Variants in PTRH1 observed in about 807,000 individuals in gnomAD.
The protein encoded by PTRH1 is peptidyl-tRNA hydrolase 1 homolog.
Under a neutral mutation model 15.7 loss-of-function variants are expected in PTRH1, and 13 were observed. That is an observed-to-expected ratio of 0.83 (90% CI 0.54 to 1.31). The LOEUF is 1.31. Ranked by LOEUF, PTRH1 falls within the 40% of genes most tolerant of loss-of-function variation. The probability of loss-of-function intolerance (pLI) is 0.00; values close to 1 mark genes in which losing one functional copy is unlikely to be tolerated. For synonymous variants in PTRH1, 139 were observed against 136.7 expected, an observed-to-expected ratio of 1.02 and a Z score of -0.12; for missense variants, 319 against 296.2, an observed-to-expected ratio of 1.08 and a Z score of -0.56.
downstream of PTRH1, chr9:127,713,660 C>T (rs1256124184): frequency 3.2e-5 from 17 of 523,984 alleles, 1 homozygote; most frequent in East Asian, 5.4e-4. Context: ...GCATGCACCA[C>T]CATGCCTGGC....
intron 2 of PTRH1, 43 bp downstream of exon 2, chr9:127,714,912 GCCCCCGCGCCCCAACCCCCA>G (rs1282142748): frequency 4.6e-5 from 35 of 766,968 alleles, no homozygotes; most frequent in Non-Finnish European, 6.2e-5. Flanking sequence ...CTCCCCTCTG[GCCCCCGCGCCCCAACCCCCA>G]CCCCCTTGGC....
chr9:127,715,360 G>A lies in PTRH1; in HGVS notation c.97-166C>T. On this transcript the variant is annotated intron_variant, in intron 1 of 4. Coordinates refer to ENST00000543175, the MANE Select transcript of PTRH1 (RefSeq NM_001002913.3). This position sits in a 1 kb window ranked among gnomAD's most constrained non-coding sequence, Gnocchi z 5.8. The stretch of plus-strand genomic sequence containing the variant: ...AACCCGACCCCTGAGAACTCCAGAA[G>A]GCTGGGCAGGCAGGGCGCCCTAGTG... The A allele has an allele frequency of 8.1e-7, 1 of 1,228,896 alleles. No homozygotes were observed. The highest frequency in any genetic ancestry group is 1.2e-6 in the Non-Finnish European group (1 of 865,098). 76.1% of individuals were successfully genotyped at this position (1,228,896 alleles called of 1,614,324 possible). A position where few individuals can be genotyped will look rare whatever the true frequency, so the allele number is the denominator to read the frequency against.
chr9:127,698,099 T>G (rs556687792), intron 1 of PTRH1, among the ~76,000 whole-genome samples: 2 of 152,110 alleles, frequency 1.3e-5, no homozygotes, highest in Non-Finnish European at 2.9e-5. Context: ...AAAAACAATC[T>G]GACTTAAAAA....
At chr9:127,695,429 G>A in intron 1 of PTRH1, 1 of 371,474 alleles carries the variant, frequency 2.7e-6, no homozygotes, top group Non-Finnish European at 4.8e-6. Context: ...GGCTACATGG[G>A]TAAACAGCAA....
chr9:127,713,317 C>CT (rs1201900934), downstream of PTRH1: 2 of 824,422 alleles, frequency 2.4e-6, no homozygotes, highest in Non-Finnish European at 3.7e-6. Context: ...CCAGATCTCT[C>CT]TGAGCCTTCC....
chr9:127,697,455 T>C (rs529023213), intron 1 of PTRH1, among the ~76,000 whole-genome samples: 6 of 150,994 alleles, frequency 4.0e-5, no homozygotes, highest in African/African-American at 1.5e-4. Context: ...AGGTCAGGAG[T>C]TCAAGACCAG....
At chr9:127,711,191 C>T (rs1842757798), downstream of PTRH1, 2 of 1,600,884 alleles carry the variant, frequency 1.2e-6, no homozygotes. Context: ...CTTGTGCCCG[C>T]TCTGTCTGAC....
chr9:127,708,081 C>T (rs985281388), intron 1 of PTRH1, among the ~76,000 whole-genome samples: 4 of 152,188 alleles, frequency 2.6e-5, no homozygotes, highest in Non-Finnish European at 5.9e-5. Context: ...GAGCCCTGGC[C>T]TCCTGACTCC....
intron 1 of PTRH1, among the ~76,000 whole-genome samples, chr9:127,708,779 G>A (rs778129726): frequency 9.2e-5 from 14 of 152,210 alleles, no homozygotes; most frequent in South Asian, 4.1e-4. Context: ...CAAAGAGAGG[G>A]CCACAAATGT....
downstream of PTRH1, chr9:127,711,127 G>A (rs2131589311): frequency 2.8e-6 from 4 of 1,412,890 alleles, no homozygotes; most frequent in Non-Finnish European, 2.9e-6. Flanking sequence ...AGAGCATGCT[G>A]GTGTTTAACA....
chr9:127,711,523 C>A (rs752340088), downstream of PTRH1: 2 of 1,601,656 alleles, frequency 1.2e-6, no homozygotes, highest in African/African-American at 1.3e-5. Flanking sequence ...CAGCACAGGG[C>A]ATTTGGCATG....
rs777851864 is a variant in PTRH1, at chr9:127,715,556, C to T, written c.84G>A (p.Gly28=). Reference sequence around the variant, plus strand: ...CCACGCCACTCACCATCCACCGCTTCCCCGGGGGGCGAGGCTCCAAAACAC... The same window carrying T: ...CCACGCCACTCACCATCCACCGCTTTCCCGGGGGGCGAGGCTCCAAAACAC... ...SRCVLEPRPP[G]KRWMVAGLGN... The change falls in exon 1 of 5, where the codon GGG becomes GGA. Residue 28 remains glycine (G), a synonymous_variant. Coordinates refer to ENST00000543175, the MANE Select transcript of PTRH1 (RefSeq NM_001002913.3). This position sits in a 1 kb window ranked among gnomAD's most constrained non-coding sequence, Gnocchi z 5.8. The T allele has an allele frequency of 1.9e-6, 3 of 1,613,554 alleles. No individual in the cohort carries two copies. In the South Asian group the frequency reaches 3.3e-5, roughly 18 times the overall value.
At chr9:127,696,819 G>A (rs1842564791) in intron 1 of PTRH1, among the ~76,000 whole-genome samples, 1 of 152,038 alleles carries the variant, frequency 6.6e-6, no homozygotes, top group Non-Finnish European at 1.5e-5. Flanking sequence ...CTGAGATTGT[G>A]CCATTCATTG....
chr9:127,713,240 T>C (rs1842810771), downstream of PTRH1: 7 of 1,473,580 alleles, frequency 4.8e-6, no homozygotes, highest in African/African-American at 1.4e-5. Flanking sequence ...GAAAGCAAGG[T>C]GGCAGCTAGT....
chr9:127,707,287 G>A (rs528494136), intron 1 of PTRH1: 2 of 1,380,640 alleles, frequency 1.4e-6, no homozygotes, highest in African/African-American at 1.4e-5. Context: ...CCTTAGGCCT[G>A]TGTTCTGACC....
At chr9:127,696,998 A>G (rs1842566689) in intron 1 of PTRH1, among the ~76,000 whole-genome samples, 1 of 152,232 alleles carries the variant, frequency 6.6e-6, no homozygotes, top group Non-Finnish European at 1.5e-5. Flanking sequence ...AAGAAGAAAA[A>G]GAGTGGAAAT....
Position 127,713,997 on chromosome 9 carries a change from G to A in PTRH1, c.*103C>T, listed in dbSNP as rs1842833011. 3.2e-6 allele frequency: 5 copies of A among 1,578,702 alleles called. No homozygotes were observed. Among genetic ancestry groups the A allele is most frequent in the African/African-American group, 2.7e-5 (2 of 74,086 alleles). ...GCAGGCAGCCTGGAACAGTCTAGAG[G>A]AGATTTGTATAAAAAGTAGATACCA... On this transcript the variant is annotated 3_prime_UTR_variant, in exon 5 of 5. Transcript: ENST00000543175.
chr9:127,695,210 T>C, intron 1 of PTRH1: 1 of 635,920 alleles, frequency 1.6e-6, no homozygotes, highest in East Asian at 2.7e-5. Flanking sequence ...AGAGAACAGA[T>C]AAACTGTGTA....
rs1842601253 is a variant in PTRH1 at position 127,701,263 on chromosome 9, T to G, written c.206-6122A>C. Among the ~76,000 whole-genome samples the G allele has an allele frequency of 2.6e-5, 4 of 152,316 alleles. No individual in the cohort carries two copies. In the South Asian group the frequency reaches 8.3e-4, roughly 32 times the overall value. On this transcript the variant is annotated intron_variant, in intron 1 of 2. Coordinates refer to the PTRH1 transcript ENST00000335223. ...AGGAGCCTCCTCTCCTTTCCCAAAT[T>G]TATAAATCATGTGATTTTTTTCAAG...
Sources: gnomAD v4.1 joint callset for allele counts (sites outside exome capture counted in the v4.1 genomes callset) on GRCh38, gnomAD v4.1.1 for gene constraint, Gnocchi (gnomAD v3.1) non-coding constraint, MANE v1.5 for transcripts, NCBI Gene and HGNC (gene_info 2026-07-23, HGNC 2026-07-21) for gene names.